APP: variants seen among roughly 807,000 people sequenced by gnomAD.
APP encodes amyloid beta precursor protein.
APP carries 31 observed loss-of-function variants against 101.4 expected under a neutral mutation model. The observed-to-expected ratio is 0.31, with a 90% CI of 0.23 to 0.41. The LOEUF is 0.41. Among genes scored for constraint, APP ranks in the 10% least tolerant of loss-of-function variants. The pLI is 1.00. For synonymous variants in APP, 366 were observed against 364.4 expected (o/e 1.00, Z -0.05); for missense variants, 839 against 1,003.7 (o/e 0.84, Z 2.22).
At chr21:25,936,844 T>C (rs1449920412) in intron 13 of APP, among the ~76,000 whole-genome samples, 1 of 152,250 alleles carries the variant, frequency 6.6e-6, no homozygotes, top group Non-Finnish European at 1.5e-5. Context: ...TAGCTTTTTC[T>C]AGAGGATTCT....
chr21:26,142,053 T>C (rs1410954794), intron 1 of APP, among the ~76,000 whole-genome samples: 1 of 152,100 alleles, frequency 6.6e-6, no homozygotes, highest in Admixed American at 6.5e-5. Flanking sequence ...GATGGAAGAA[T>C]AGGAAACAGT....
chr21:26,020,124 A>T (rs2044273389), intron 6 of APP, among the ~76,000 whole-genome samples: 2 of 152,242 alleles, frequency 1.3e-5, no homozygotes, highest in South Asian at 4.1e-4. Flanking sequence ...TTAAAAGCTC[A>T]AGTTAAAGAA....
At chr21:26,114,827 AGTG>A (rs1366612854) in intron 1 of APP, among the ~76,000 whole-genome samples, 1 of 152,094 alleles carries the variant, frequency 6.6e-6, no homozygotes, top group Non-Finnish European at 1.5e-5. Flanking sequence ...ACTATCAAAA[AGTG>A]GTAATTTTTT....
intron 4 of APP, 117 bp downstream of exon 4, chr21:26,053,119 T>A: frequency 2.3e-6 from 2 of 852,016 alleles, no homozygotes; most frequent in Non-Finnish European, 2.0e-6. Flanking sequence ...AGCACTGGGT[T>A]TTTTTCTTAA....
intron 8 of APP, among the ~76,000 whole-genome samples, chr21:25,994,629 C>T (rs1288579251): frequency 6.6e-6 from 1 of 152,184 alleles, no homozygotes; most frequent in Non-Finnish European, 1.5e-5. Context: ...CTAGAAGCAG[C>T]TTAGACTGAG....
At chr21:25,897,544 A>AG in intron 16 of APP, 29 bp downstream of exon 16, 1 of 1,509,736 alleles carries the variant, frequency 6.6e-7, no homozygotes, top group Non-Finnish European at 9.2e-7. Context: ...GACAAACAGT[A>AG]GTGGAAAGAG....
intron 5 of APP, among the ~76,000 whole-genome samples, chr21:26,028,064 T>G (rs2044660184): frequency 2.0e-5 from 3 of 150,700 alleles, no homozygotes; most frequent in Admixed American, 2.0e-4. Flanking sequence ...GACGTGGGGG[T>G]GCACGCCTGT....
chr21:25,931,197 A>G (rs1370806614), intron 13 of APP, among the ~76,000 whole-genome samples: 1 of 152,220 alleles, frequency 6.6e-6, no homozygotes, highest in Non-Finnish European at 1.5e-5. Flanking sequence ...CGACAGAATG[A>G]CAAAGAAACA....
At chr21:26,124,446 G>A (rs1318091156) in intron 1 of APP, among the ~76,000 whole-genome samples, 2 of 152,274 alleles carry the variant, frequency 1.3e-5, no homozygotes, top group Middle Eastern at 3.4e-3. Context: ...CTAATTCTTT[G>A]ATAACACATT....
chr21:26,025,625 G>A (rs1209510976), intron 5 of APP, among the ~76,000 whole-genome samples: 1 of 152,200 alleles, frequency 6.6e-6, no homozygotes, highest in Non-Finnish European at 1.5e-5. Context: ...AAAAACAGCT[G>A]TTTAGTGTGA....
At chr21:26,065,826 A>G (rs2146016214) in intron 3 of APP, among the ~76,000 whole-genome samples, 1 of 152,328 alleles carries the variant, frequency 6.6e-6, no homozygotes, top group African/African-American at 2.4e-5. Context: ...ACTTCTTGTT[A>G]CAAGTATTTA....
At chr21:26,050,861 A>G (rs1434468312) in intron 5 of APP, 139 bp downstream of exon 5, 9 of 988,108 alleles carry the variant, frequency 9.1e-6, no homozygotes, top group Non-Finnish European at 1.4e-5. Context: ...CATAGTTCAG[A>G]TTTTTGCATA....
At chr21:25,990,694 A>G (rs1339358213) in intron 8 of APP, among the ~76,000 whole-genome samples, 1 of 152,012 alleles carries the variant, frequency 6.6e-6, no homozygotes, top group African/African-American at 2.4e-5. Context: ...ATTTCATTTT[A>G]CCCCAGCCTT....
chr21:26,032,805 A>AAATAT (rs1491556765), intron 5 of APP, among the ~76,000 whole-genome samples: 1,276 of 124,434 alleles, frequency 0.01, 11 homozygotes, highest in Admixed American at 0.029. Context: ...AAAAAAAAAA[A>AAATAT]ATATATATAT....
At chr21:26,104,309 G>GA (rs953066755) in intron 2 of APP, among the ~76,000 whole-genome samples, 1 of 150,098 alleles carries the variant, frequency 6.7e-6, no homozygotes, top group African/African-American at 2.4e-5. Flanking sequence ...ATACATACTT[G>GA]AAAAAAAAGG....
At chr21:26,091,209 T>C (rs1189121186) in intron 2 of APP, among the ~76,000 whole-genome samples, 1 of 152,074 alleles carries the variant, frequency 6.6e-6, no homozygotes, top group Admixed American at 6.5e-5. Flanking sequence ...GGCCATGCAA[T>C]CTCAAGTGGC....
chr21:25,905,589 T>A (rs1309435621), intron 14 of APP, among the ~76,000 whole-genome samples: 2 of 152,230 alleles, frequency 1.3e-5, no homozygotes, highest in African/African-American at 4.8e-5. Flanking sequence ...ATCTGCCATT[T>A]AGTGAGTGAA....
intron 13 of APP, among the ~76,000 whole-genome samples, chr21:25,944,334 A>G (rs1256234477): frequency 2.0e-5 from 3 of 152,202 alleles, no homozygotes; most frequent in Admixed American, 2.0e-4. Flanking sequence ...CACCAAGTCA[A>G]CATTCCTTTG....
At chr21:25,929,101 C>T (rs375244287) in intron 13 of APP, 1 of 152,214 alleles carries the variant, frequency 6.6e-6, no homozygotes, top group African/African-American at 2.4e-5. Flanking sequence ...TCACTCTTCA[C>T]ATGCTGGAGG....
Sources: gnomAD v4.1 joint callset for allele counts (sites outside exome capture counted in the v4.1 genomes callset) on GRCh38, gnomAD v4.1.1 for gene constraint, MANE v1.5 for transcripts, NCBI Gene and HGNC (gene_info 2026-07-23, HGNC 2026-07-21) for gene names.